The following GLDC variants were observed in gnomAD, a reference collection of about 807,000 sequenced individuals.
The protein encoded by GLDC is glycine decarboxylase.
In GLDC, 104 loss-of-function variants were observed where a neutral mutation model predicts 121.3. The ratio of observed to expected loss-of-function variants is 0.86; its 90% CI spans 0.73 to 1.01. The LOEUF is 1.01. Among genes scored for constraint, GLDC ranks in the 50% least tolerant of loss-of-function variants. The pLI is 0.00. For synonymous variants in GLDC, 546 were observed against 480.6 expected (o/e 1.14, Z -1.78); for missense variants, 1,429 against 1,306.6 (o/e 1.09, Z -1.44).
intron 2 of GLDC, among the ~76,000 whole-genome samples, chr9:6,643,762 A>C (rs781619912): frequency 6.6e-6 from 1 of 152,046 alleles, no homozygotes; most frequent in South Asian, 2.1e-4. Context: ...GGTAGGGCAC[A>C]GTGACTCGTG....
rs2129831810 is a variant in GLDC, at chr9:6,587,218, A to G, written c.1773T>C (p.Tyr591=). Residue 591 remains tyrosine (Y), a synonymous_variant, in exon 15 of 25, where the codon TAT becomes TAC. Transcript: ENST00000321612. ...PFVPLDQAQG[Y]QQLFRELEKD... Reference sequence around the variant, plus strand: ...TCTCAAGCTCTCGGAAAAGCTGCTGATATCCTTGAGCTTGATCCAGAGGCA... The same window carrying G: ...TCTCAAGCTCTCGGAAAAGCTGCTGGTATCCTTGAGCTTGATCCAGAGGCA... 1.2e-6 allele frequency: 2 copies of G among 1,613,978 alleles called. No homozygotes were observed. Among genetic ancestry groups the G allele is most frequent in the Non-Finnish European group, 1.7e-6 (2 of 1,179,822 alleles).
intron 3 of GLDC, among the ~76,000 whole-genome samples, chr9:6,611,514 C>T (rs913317298): frequency 9.3e-5 from 14 of 151,294 alleles, no homozygotes; most frequent in Admixed American, 7.3e-4. Flanking sequence ...TGAGATCACG[C>T]CACTGTACTC....
intron 15 of GLDC, among the ~76,000 whole-genome samples, chr9:6,571,856 C>T (rs571715361): frequency 2.0e-5 from 3 of 152,262 alleles, no homozygotes; most frequent in East Asian, 1.9e-4. Context: ...AGAGATCACA[C>T]ATAGATCAAT....
At chr9:6,606,296 C>T (rs185849713) in intron 5 of GLDC, 495 of 368,136 alleles carry the variant, frequency 1.3e-3, no homozygotes, top group Non-Finnish European at 2.0e-3. Flanking sequence ...GACGACAGAG[C>T]GAGACTCCGT....
chr9:6,558,436 G>T, intron 17 of GLDC, 123 bp downstream of exon 17: 1 of 1,149,822 alleles, frequency 8.7e-7, no homozygotes, highest in Non-Finnish European at 1.3e-6. Context: ...TCTGGTCAAA[G>T]GAAGAACTGC....
At chr9:6,538,897 T>C (rs1587911252) in intron 22 of GLDC, among the ~76,000 whole-genome samples, 1 of 152,192 alleles carries the variant, frequency 6.6e-6, no homozygotes, top group South Asian at 2.1e-4. Flanking sequence ...GAGGATGGGA[T>C]TGGTAATTTC....
At chr9:6,636,821 T>A (rs2890722) in intron 2 of GLDC, among the ~76,000 whole-genome samples, 3 of 151,880 alleles carry the variant, frequency 2.0e-5, no homozygotes, top group Non-Finnish European at 2.9e-5. Flanking sequence ...CAGTGGCTCA[T>A]GACTGTAATC....
intron 20 of GLDC, among the ~76,000 whole-genome samples, chr9:6,552,929 G>GCA (rs1554643546): frequency 2.0e-5 from 3 of 150,942 alleles, no homozygotes; most frequent in Non-Finnish European, 4.4e-5. Context: ...TTCTCCTCTG[G>GCA]CCCCCCCCAA....
Position 6,638,417 on chromosome 9 carries a change from G to C in GLDC, c.334+6197C>G, listed in dbSNP as rs1819554507. 4.6e-5 allele frequency among the ~76,000 whole-genome samples: 7 copies of C among 152,048 alleles called. No homozygotes were observed. The South Asian group carries it at 1.5e-3, about 32-fold the overall frequency. ...TTTAGTAGAGACGGGGATTCACCAT[G>C]TTGGTCAGGCTGGTCTTGAACTCCG... On this transcript the variant is annotated intron_variant, in intron 2 of 24. Coordinates refer to ENST00000321612, the MANE Select transcript of GLDC (RefSeq NM_000170.3).
At chr9:6,590,295 A>C (rs1818351046) in intron 11 of GLDC, among the ~76,000 whole-genome samples, 1 of 151,922 alleles carries the variant, frequency 6.6e-6, no homozygotes. Context: ...TTTAATATCC[A>C]GAATATATAA....
At chr9:6,639,598 T>G in intron 2 of GLDC, 1 of 727,184 alleles carries the variant, frequency 1.4e-6, no homozygotes, top group South Asian at 1.3e-5. Flanking sequence ...GCCAACAAAA[T>G]TGGGATCATC....
chr9:6,587,044 A>G (rs1210660489), intron 15 of GLDC, 97 bp downstream of exon 15: 30 of 998,160 alleles, frequency 3.0e-5, no homozygotes, highest in East Asian at 1.2e-4. Flanking sequence ...AAGTCACAGA[A>G]TAACACAAAA....
At chr9:6,581,123 G>A (rs180783166) in intron 15 of GLDC, among the ~76,000 whole-genome samples, 8 of 152,276 alleles carry the variant, frequency 5.3e-5, no homozygotes, top group East Asian at 1.9e-4. Context: ...TAAGGCCCCC[G>A]GGGTGAAGCC....
chr9:6,620,362 G>C (rs1280789689), intron 2 of GLDC, 43 bp from the exon 3 acceptor site: 1 of 1,546,670 alleles, frequency 6.5e-7, no homozygotes, highest in East Asian at 2.2e-5. Context: ...AGATGTCTCA[G>C]AAAAGAGCTC....
chr9:6,634,718 T>C (rs1401973814), intron 2 of GLDC, among the ~76,000 whole-genome samples: 2 of 152,134 alleles, frequency 1.3e-5, no homozygotes, highest in Non-Finnish European at 2.9e-5. Context: ...GGAAACTCTC[T>C]TAGATCTGTT....
At chr9:6,576,177 G>C (rs902692657) in intron 15 of GLDC, among the ~76,000 whole-genome samples, 2 of 152,126 alleles carry the variant, frequency 1.3e-5, no homozygotes, top group African/African-American at 2.4e-5. Context: ...CCAAAAACTG[G>C]GTGGCTTATA....
chr9:6,618,404 T>A (rs1819007996), intron 3 of GLDC, among the ~76,000 whole-genome samples: 1 of 151,974 alleles, frequency 6.6e-6, no homozygotes, highest in South Asian at 2.1e-4. Flanking sequence ...ACCTCCCAGG[T>A]TCAAGCAATT....
Position 6,565,018 on chromosome 9 carries a change from C to T in GLDC, c.1926+336G>A, listed in dbSNP as rs555305088. On this transcript the variant is annotated intron_variant, in intron 16 of 24. Coordinates refer to ENST00000321612, the MANE Select transcript of GLDC (RefSeq NM_000170.3). The stretch of plus-strand genomic sequence containing the variant: ...TCTGCCCTTCATCCAGGCCCAGGGC[C>T]GGGGCTGAGCCAAGGAGAGGATGCT... 4.6e-5 allele frequency among the ~76,000 whole-genome samples: 7 copies of T among 152,316 alleles called. No homozygotes were observed. In the East Asian group the frequency reaches 5.8e-4, roughly 13 times the overall value.
At chr9:6,586,344 C>A (rs7048982) in intron 15 of GLDC, among the ~76,000 whole-genome samples, 78,660 of 151,888 alleles carry the variant, frequency 0.52, 20,788 homozygotes, top group Middle Eastern at 0.57. Flanking sequence ...CTTAGTCTCA[C>A]CCCCTGGAGG....
Sources: gnomAD v4.1 joint callset for allele counts (sites outside exome capture counted in the v4.1 genomes callset) on GRCh38, gnomAD v4.1.1 for gene constraint, MANE v1.5 for transcripts, NCBI Gene and HGNC (gene_info 2026-07-23, HGNC 2026-07-21) for gene names.